Variants in COL5A2 observed in about 807,000 individuals in gnomAD.
The protein encoded by COL5A2 is collagen type V alpha 2 chain.
A neutral mutation model predicts 208.2 loss-of-function variants in COL5A2; 23 were observed. That is an observed-to-expected ratio of 0.11 (90% CI 0.08 to 0.16). COL5A2 has a LOEUF of 0.16. COL5A2 is among the 10% of genes least tolerant of loss of function. The pLI, the probability that COL5A2 is intolerant of heterozygous loss-of-function variation, is 1.00. For synonymous variants in COL5A2, 625 were observed against 628.5 expected, an observed-to-expected ratio of 0.99 and a Z score of 0.08; for missense variants, 1,590 against 1,956.4, an observed-to-expected ratio of 0.81 and a Z score of 3.53.
the COL5A2 span, among the ~76,000 whole-genome samples, chr2:189,369,670 C>T: frequency 1.3e-5 from 2 of 152,076 alleles, no homozygotes; most frequent in African/African-American, 2.4e-5. Flanking sequence ...CAGTATTCTA[C>T]GATAATGTGA....
chr2:189,191,244 C>A (rs1005766940), intron 1 of COL5A2, among the ~76,000 whole-genome samples: 28 of 151,396 alleles, frequency 1.8e-4, no homozygotes, highest in African/African-American at 6.5e-4. Context: ...GTTAAGACAG[C>A]TACAACAGCA....
chr2:189,053,303 T>A (rs1414529646), intron 38 of COL5A2, 121 bp downstream of exon 38: 3 of 901,694 alleles, frequency 3.3e-6, no homozygotes, highest in Non-Finnish European at 3.6e-6. Context: ...AAAATGAGAA[T>A]ATTGTCTAGA....
At chr2:189,104,830 A>G (rs1193605516) in intron 2 of COL5A2, among the ~76,000 whole-genome samples, 1 of 151,754 alleles carries the variant, frequency 6.6e-6, no homozygotes, top group African/African-American at 2.4e-5. Flanking sequence ...TACTTTTTCC[A>G]TACTGTTCTT....
the COL5A2 span, among the ~76,000 whole-genome samples, chr2:189,368,085 G>T: frequency 6.6e-6 from 1 of 152,052 alleles, no homozygotes. Context: ...AAATAATTGT[G>T]TTTCTTTTCT....
chr2:189,221,744 C>T (rs1418146208), intron 1 of COL5A2, among the ~76,000 whole-genome samples: 1 of 152,052 alleles, frequency 6.6e-6, no homozygotes, highest in African/African-American at 2.4e-5. Context: ...TAGATCATGT[C>T]CCTAAGAAAA....
At chr2:189,429,388 C>T in the COL5A2 span, among the ~76,000 whole-genome samples, 1 of 152,206 alleles carries the variant, frequency 6.6e-6, no homozygotes, top group South Asian at 2.1e-4. Flanking sequence ...TTCACATACC[C>T]TCTCTAATTA....
intron 1 of COL5A2, among the ~76,000 whole-genome samples, chr2:189,220,100 CAAG>C (rs962926702): frequency 6.6e-6 from 1 of 152,078 alleles, no homozygotes; most frequent in African/African-American, 2.4e-5. Context: ...GCAGCTGCCA[CAAG>C]AAGGACATGA....
the COL5A2 span, among the ~76,000 whole-genome samples, chr2:189,315,961 T>C: frequency 6.6e-6 from 1 of 152,070 alleles, no homozygotes; most frequent in Non-Finnish European, 1.5e-5. Context: ...TCAAAAATAA[T>C]AGATGCTGGC....
chr2:189,069,525 G>A (rs1686224939), intron 18 of COL5A2, among the ~76,000 whole-genome samples: 1 of 152,104 alleles, frequency 6.6e-6, no homozygotes, highest in Non-Finnish European at 1.5e-5. Flanking sequence ...GGTTGTTTCT[G>A]TTCAATGTAA....
At chr2:189,081,171 A>G in intron 12 of COL5A2, 128 bp from the exon 13 acceptor site, 1 of 736,014 alleles carries the variant, frequency 1.4e-6, no homozygotes, top group Non-Finnish European at 2.4e-6. Flanking sequence ...AAGAACAAAA[A>G]AAAGCAGTAT....
Position 189,079,053 on chromosome 2 carries a change from G to A in COL5A2, c.1005+10C>T, listed in dbSNP as rs767297800. ...TTAGAAATTTAAGAAACAAGAAAACGAGCACATACCAGAGGACCCATGGCA... is the reference window on the plus strand; with the variant it reads ...TTAGAAATTTAAGAAACAAGAAAACAAGCACATACCAGAGGACCCATGGCA... On this transcript the variant is annotated intron_variant, in intron 15 of 53. Coordinates refer to ENST00000374866, the MANE Select transcript of COL5A2 (RefSeq NM_000393.5). 6.8e-5 allele frequency: 109 copies of A among 1,608,756 alleles called. No individual in the cohort carries two copies. The highest frequency in any genetic ancestry group is 8.4e-5 in the Non-Finnish European group (99 of 1,175,684).
chr2:189,087,327 A>AC (rs1686684071), intron 8 of COL5A2, among the ~76,000 whole-genome samples: 1 of 152,218 alleles, frequency 6.6e-6, no homozygotes, highest in Non-Finnish European at 1.5e-5. Flanking sequence ...CCTCATTTAA[A>AC]CATGAAATCG....
At chr2:189,153,208 C>T (rs533409559) in intron 1 of COL5A2, among the ~76,000 whole-genome samples, 2 of 152,196 alleles carry the variant, frequency 1.3e-5, no homozygotes, top group East Asian at 1.9e-4. Flanking sequence ...TGTATTTTTC[C>T]TAACTGGGCA....
intron 1 of COL5A2, among the ~76,000 whole-genome samples, chr2:189,159,833 T>C (rs1027977699): frequency 6.6e-6 from 1 of 152,058 alleles, no homozygotes; most frequent in Non-Finnish European, 1.5e-5. Context: ...GTTGCTGAGA[T>C]TGAACCACTG....
At chr2:189,122,691 C>T (rs560700772) in intron 1 of COL5A2, among the ~76,000 whole-genome samples, 3 of 152,232 alleles carry the variant, frequency 2.0e-5, no homozygotes, top group East Asian at 1.9e-4. Context: ...TAATTTCTCT[C>T]TATATCATGA....
intron 1 of COL5A2, among the ~76,000 whole-genome samples, chr2:189,130,940 A>G (rs1192994800): frequency 6.6e-6 from 1 of 152,140 alleles, no homozygotes; most frequent in Non-Finnish European, 1.5e-5. Flanking sequence ...GTCCTTAAAG[A>G]GCTTATACTC....
At chr2:189,313,600 C>G in the COL5A2 span, among the ~76,000 whole-genome samples, 1 of 152,088 alleles carries the variant, frequency 6.6e-6, no homozygotes, top group African/African-American at 2.4e-5. Context: ...CAATACTAAC[C>G]TTAAATGTAA....
At chr2:189,095,732 C>G (rs1352452275) in intron 6 of COL5A2, 1 of 152,064 alleles carries the variant, frequency 6.6e-6, no homozygotes, top group Non-Finnish European at 1.5e-5. Context: ...CAATTACTTA[C>G]AGTGTACAAA....
the COL5A2 span, among the ~76,000 whole-genome samples, chr2:189,405,832 G>A: frequency 6.6e-6 from 1 of 152,150 alleles, no homozygotes; most frequent in African/African-American, 2.4e-5. Flanking sequence ...TTGTCCCAGG[G>A]TTCTTCTGAC....
Sources: gnomAD v4.1 joint callset for allele counts (sites outside exome capture counted in the v4.1 genomes callset) on GRCh38, gnomAD v4.1.1 for gene constraint, MANE v1.5 for transcripts, NCBI Gene and HGNC (gene_info 2026-07-23, HGNC 2026-07-21) for gene names.